Variants in ATP8B1 observed in about 807,000 individuals in gnomAD.
ATP8B1 encodes phospholipid-transporting ATPase IC.
ATP8B1 carries 80 observed loss-of-function variants against 149.9 expected under a neutral mutation model. The observed-to-expected ratio is 0.53, with a 90% CI of 0.45 to 0.64. ATP8B1 has a LOEUF of 0.64. ATP8B1 is among the 30% of genes least tolerant of loss of function. ATP8B1 has a pLI of 0.00. For missense variants in ATP8B1, 1,247 were observed against 1,552.6 expected, an observed-to-expected ratio of 0.80 and a Z score of 3.31; for synonymous variants, 536 against 562.8, an observed-to-expected ratio of 0.95 and a Z score of 0.67.
At chr18:57,794,730 G>A (rs2080494388) in intron 1 of ATP8B1, among the ~76,000 whole-genome samples, 1 of 152,050 alleles carries the variant, frequency 6.6e-6, no homozygotes, top group South Asian at 2.1e-4. Flanking sequence ...GGTTGAGGTT[G>A]CAGTGAGCTG....
chr18:57,797,703 C>CTTTTTTTTT (rs59261353), intron 1 of ATP8B1, among the ~76,000 whole-genome samples: 19 of 96,282 alleles, frequency 2.0e-4, no homozygotes, highest in Admixed American at 2.4e-4. Context: ...TTCTTTCTTT[C>CTTTTTTTTT]TTTTTTTTTT....
chr18:57,667,955 A>G lies in ATP8B1; in HGVS notation c.2209+474T>C, dbSNP rs77949119. On this transcript the variant is annotated intron_variant, in intron 19 of 27. Transcript: ENST00000648908. Reference sequence around the variant, plus strand: ...ACAAAGTAAAGTATCAATACCAAACAAGTGCTTGTTGAGTTCTAAAGTTAA... The same window carrying G: ...ACAAAGTAAAGTATCAATACCAAACGAGTGCTTGTTGAGTTCTAAAGTTAA... 1.9e-3 allele frequency: 1,324 copies of G among 681,018 alleles called. 11 individuals carry two copies. The African/African-American group carries it at 0.021, about 11-fold the overall frequency. The allele number at this position is 681,018 out of a possible 1,614,324, so 42.2% of individuals were successfully genotyped here. A position where few individuals can be genotyped will look rare whatever the true frequency, so the allele number is the denominator to read the frequency against.
intron 1 of ATP8B1, among the ~76,000 whole-genome samples, chr18:57,776,859 T>C (rs1388941629): frequency 1.3e-5 from 2 of 152,148 alleles, no homozygotes; most frequent in Non-Finnish European, 2.9e-5. Flanking sequence ...TACTCCACTG[T>C]GGAAGCTTCT....
intron 1 of ATP8B1, among the ~76,000 whole-genome samples, chr18:57,743,329 A>T (rs2079936520): frequency 1.3e-5 from 2 of 152,066 alleles, no homozygotes; most frequent in South Asian, 2.1e-4. Flanking sequence ...CACTCCCAAC[A>T]TCACCTACTT....
chr18:57,706,162 GATTCCTTTCAAACTC>G (rs773355135), intron 3 of ATP8B1, among the ~76,000 whole-genome samples: 6 of 152,150 alleles, frequency 3.9e-5, no homozygotes, highest in Non-Finnish European at 8.8e-5. Flanking sequence ...GTTCTTAAGA[GATTCCTTTCAAACTC>G]ATTACTTTCA....
intron 11 of ATP8B1, among the ~76,000 whole-genome samples, chr18:57,693,405 C>A (rs1912640650): frequency 6.6e-6 from 1 of 152,052 alleles, no homozygotes; most frequent in Non-Finnish European, 1.5e-5. Flanking sequence ...ATTTTTTATT[C>A]TCTGATAAGA....
Position 57,663,614 on chromosome 18 carries a change from A to G in ATP8B1, c.2286-999T>C, listed in dbSNP as rs117783734. Among the ~76,000 whole-genome samples, 336 of 152,262 alleles carry G rather than the reference A, an allele frequency of 2.2e-3. 10 individuals carry two copies. In the East Asian group the frequency reaches 0.048, roughly 22 times the overall value. ...TCTATTGTGTTTTGTTTTTGATAGT[A>G]GCCATCCTAAAGGGTGTGAGGTGTT... On this transcript the variant is annotated intron_variant, in intron 20 of 27. Coordinates refer to ENST00000648908, the MANE Select transcript of ATP8B1 (RefSeq NM_001374385.1).
At position 57,751,086 on chromosome 18, in the gene ATP8B1, G is replaced by A. The variant is rs148944862; in HGVS notation, c.-25-19254C>T. On this transcript the variant is annotated intron_variant, in intron 1 of 27. Coordinates refer to ENST00000648908, the MANE Select transcript of ATP8B1 (RefSeq NM_001374385.1). ...TGCAGTGAGGAGAGACTGTGCCACT[G>A]GACCCCAGCCTGGGTAACAGAGCAA... 2.3e-3 allele frequency among the ~76,000 whole-genome samples: 357 copies of A among 152,098 alleles called. 3 individuals are homozygous for A. The highest frequency in any genetic ancestry group is 7.2e-3 in the African/African-American group (299 of 41,504).
At chr18:57,660,163 T>G (rs1410358002) in intron 22 of ATP8B1, among the ~76,000 whole-genome samples, 1 of 152,166 alleles carries the variant, frequency 6.6e-6, no homozygotes, top group Non-Finnish European at 1.5e-5. Flanking sequence ...GACATAGAGA[T>G]GAGGGCTGTG....
rs752075995 is a variant in ATP8B1, at chr18:57,731,596, C to T, written c.181+31G>A. On this transcript the variant is annotated intron_variant, in intron 2 of 27. Transcript: ENST00000648908. ...CATGACCCACATGAGGATTTATAAG[C>T]GACCTAGTCACCGGGACTTCATGTG... 53 of 1,611,366 alleles carry T rather than the reference C, an allele frequency of 3.3e-5. 2 individuals carry two copies. The highest frequency in any genetic ancestry group is 1.9e-4 in the South Asian group (17 of 90,860).
At chr18:57,726,237 AAAC>A (rs1024592808) in intron 2 of ATP8B1, among the ~76,000 whole-genome samples, 2 of 152,084 alleles carry the variant, frequency 1.3e-5, no homozygotes, top group Non-Finnish European at 2.9e-5. Context: ...AAACAAAAAC[AAAC>A]AACAACAACA....
intron 1 of ATP8B1, among the ~76,000 whole-genome samples, chr18:57,792,678 A>G (rs1016569374): frequency 6.6e-6 from 1 of 152,224 alleles, no homozygotes; most frequent in East Asian, 1.9e-4. Flanking sequence ...TTGTGGCAAC[A>G]GTTGCACAGC....
At chr18:57,654,518 C>T (rs970491947) in intron 23 of ATP8B1, among the ~76,000 whole-genome samples, 7 of 151,498 alleles carry the variant, frequency 4.6e-5, no homozygotes, top group Non-Finnish European at 8.8e-5. Flanking sequence ...GGGGTTTCAC[C>T]ATGTTGGCCA....
Position 57,695,563 on chromosome 18 carries a change from G to A in ATP8B1, c.699-31C>T, listed in dbSNP as rs781763078. ...GGAATGGGGAAAAAATGAATTAAAT[G>A]AACAAATTTTTGAGTTCAAAGTGGA... On this transcript the variant is annotated intron_variant, in intron 8 of 27. Coordinates refer to ENST00000648908, the MANE Select transcript of ATP8B1 (RefSeq NM_001374385.1). 1.9e-6 allele frequency: 3 copies of A among 1,557,726 alleles called. No individual in the cohort carries two copies. In the South Asian group the frequency reaches 3.3e-5, roughly 17 times the overall value.
chr18:57,680,792 G>A (rs1911925874), intron 15 of ATP8B1, among the ~76,000 whole-genome samples: 1 of 151,966 alleles, frequency 6.6e-6, no homozygotes, highest in African/African-American at 2.4e-5. Context: ...CCAATCTCCA[G>A]TGCCTACCTG....
rs141146206 is a variant in ATP8B1, at chr18:57,733,705, C to CA, written c.-25-1874dup. 2.0e-3 allele frequency among the ~76,000 whole-genome samples: 189 copies of CA among 95,156 alleles called. 1 individual carries two copies. The highest frequency in any genetic ancestry group is 7.0e-3 in the African/African-American group (176 of 25,068). The allele number at this position is 95,156 out of a possible 152,430, so 62.4% of individuals were successfully genotyped here. ...CGGGCGACAGAGCGAGACTCCATCT[C>CA]AAAAAAAAAAAAAAAAAAAAAAAAT... On this transcript the variant is annotated intron_variant, in intron 1 of 27. Transcript: ENST00000648908.
intron 3 of ATP8B1, among the ~76,000 whole-genome samples, chr18:57,705,488 G>A (rs994783379): frequency 3.3e-5 from 5 of 152,194 alleles, no homozygotes; most frequent in African/African-American, 1.2e-4. Context: ...ACGTGATTAG[G>A]ACAGGCTCTA....
At chr18:57,777,261 A>G (rs1387475813) in intron 1 of ATP8B1, among the ~76,000 whole-genome samples, 1 of 152,176 alleles carries the variant, frequency 6.6e-6, no homozygotes, top group Non-Finnish European at 1.5e-5. Context: ...TACAGGTGTG[A>G]GCCACAGTGC....
At position 57,719,499 on chromosome 18, in the gene ATP8B1, G is replaced by A. The variant is rs988445610; in HGVS notation, c.181+12128C>T. Among the ~76,000 whole-genome samples the A allele has an allele frequency of 1.3e-4, 20 of 152,094 alleles. 1 individual carries two copies. Among genetic ancestry groups the A allele is most frequent in the East Asian group, 1.2e-3 (6 of 5,182 alleles). Reference sequence around the variant, plus strand: ...TTTCCGAGTCAAAGAAAGGGGTGACGGACGCACCTGGAAAATCGGGTCACT... The same window carrying A: ...TTTCCGAGTCAAAGAAAGGGGTGACAGACGCACCTGGAAAATCGGGTCACT... On this transcript the variant is annotated intron_variant, in intron 2 of 27. Coordinates refer to ENST00000648908, the MANE Select transcript of ATP8B1 (RefSeq NM_001374385.1).
Sources: gnomAD v4.1 joint callset for allele counts (sites outside exome capture counted in the v4.1 genomes callset) on GRCh38, gnomAD v4.1.1 for gene constraint, MANE v1.5 for transcripts, NCBI Gene and HGNC (gene_info 2026-07-23, HGNC 2026-07-21) for gene names.